The following CDH12 variants were observed in gnomAD, a reference collection of about 807,000 sequenced individuals.
CDH12 encodes the protein cadherin-12.
A neutral mutation model predicts 74.1 loss-of-function variants in CDH12; 41 were observed. That is an observed-to-expected ratio of 0.55 (90% CI 0.43 to 0.72). The LOEUF (loss-of-function observed/expected upper bound fraction) is 0.72. Among genes scored for constraint, CDH12 ranks in the 30% least tolerant of loss-of-function variants. The probability of loss-of-function intolerance (pLI) is 0.00; values close to 1 mark genes in which losing one functional copy is unlikely to be tolerated. For synonymous variants in CDH12, 399 were observed against 355.0 expected, an observed-to-expected ratio of 1.12 and a Z score of -1.39; for missense variants, 945 against 977.2, an observed-to-expected ratio of 0.97 and a Z score of 0.44.
intron 1 of CDH12, among the ~76,000 whole-genome samples, chr5:22,762,548 G>T (rs1157885767): frequency 6.6e-6 from 1 of 151,738 alleles, no homozygotes; most frequent in African/African-American, 2.4e-5. Context: ...AGCTTTTTTT[G>T]GAAGACAGTC....
In CDH12 at chr5:22,524,271, G is replaced by C. The variant is rs369615145; in HGVS notation, c.-522-18907C>G. Reference sequence around the variant, plus strand: ...CAAAGTGCTGGGATTATAGGTGTGAGACACTGCACCTGGCCTCATTTATAA... The same window carrying C: ...CAAAGTGCTGGGATTATAGGTGTGACACACTGCACCTGGCCTCATTTATAA... On this transcript the variant is annotated intron_variant, in intron 1 of 14. Coordinates refer to ENST00000382254, the MANE Select transcript of CDH12 (RefSeq NM_004061.5). Among the ~76,000 whole-genome samples, 6 of 152,254 alleles carry C rather than the reference G, an allele frequency of 3.9e-5. No homozygotes were observed. In the East Asian group the frequency reaches 5.8e-4, roughly 15 times the overall value.
Position 21,752,237 on chromosome 5 carries a change from C to G in CDH12, c.1886-1G>C, listed in dbSNP as rs556322887. ...AGTGCTACATACAGTACAACTATGG[C>G]TGGAACAAGACAAAAATTGCAATTT... On this transcript the variant is annotated splice_acceptor_variant, in intron 14 of 14. Transcript: ENST00000382254. LOFTEE classifies it high-confidence loss of function. 1.9e-6 allele frequency: 3 copies of G among 1,574,670 alleles called. No individual in the cohort carries two copies. In the African/African-American group the frequency reaches 4.1e-5, roughly 22 times the overall value.
chr5:22,444,087 TA>T (rs1160035385), intron 2 of CDH12, among the ~76,000 whole-genome samples: 1 of 152,096 alleles, frequency 6.6e-6, no homozygotes, highest in African/African-American at 2.4e-5. Context: ...ATAACATTGA[TA>T]TTTTTAATTA....
intron 1 of CDH12, among the ~76,000 whole-genome samples, chr5:22,559,108 A>G (rs1433995111): frequency 6.6e-6 from 1 of 152,024 alleles, no homozygotes; most frequent in African/African-American, 2.4e-5. Flanking sequence ...AACTAGTTGT[A>G]GATTTGTCCT....
rs575621970 is a variant in CDH12, at chr5:22,190,032, G to A, written c.-187+22466C>T. Among the ~76,000 whole-genome samples the A allele has an allele frequency of 3.0e-3, 459 of 151,944 alleles. 3 individuals carry two copies. The highest frequency in any genetic ancestry group is 0.011 in the African/African-American group (447 of 41,442). ...CACCCATCCCTAACATTAGCCTTGCGTTCTGGACTAATTGGGCCAACAGAG... is the reference window on the plus strand; with the variant it reads ...CACCCATCCCTAACATTAGCCTTGCATTCTGGACTAATTGGGCCAACAGAG... On this transcript the variant is annotated intron_variant, in intron 4 of 14. Transcript: ENST00000382254.
intron 1 of CDH12, among the ~76,000 whole-genome samples, chr5:22,835,718 A>G (rs989737037): frequency 1.3e-5 from 2 of 152,084 alleles, no homozygotes; most frequent in Admixed American, 6.6e-5. Context: ...TGTATTCTAT[A>G]TTTATTTATT....
At chr5:22,529,148 C>A (rs1214856433) in intron 1 of CDH12, among the ~76,000 whole-genome samples, 2 of 95,142 alleles carry the variant, frequency 2.1e-5, no homozygotes, top group Non-Finnish European at 4.6e-5. Context: ...TATATATACA[C>A]ATATATATAC....
At chr5:22,690,523 T>C (rs1742028784) in intron 1 of CDH12, among the ~76,000 whole-genome samples, 1 of 152,124 alleles carries the variant, frequency 6.6e-6, no homozygotes, top group African/African-American at 2.4e-5. Flanking sequence ...GAGATACAGA[T>C]AAAATTATTA....
At chr5:21,942,544 T>C (rs1755387195) in intron 6 of CDH12, among the ~76,000 whole-genome samples, 1 of 151,914 alleles carries the variant, frequency 6.6e-6, no homozygotes, top group South Asian at 2.1e-4. Context: ...TTGTTTTCCT[T>C]GTATTTTAAT....
chr5:22,470,248 T>A (rs1745900605), intron 2 of CDH12, among the ~76,000 whole-genome samples: 1 of 152,166 alleles, frequency 6.6e-6, no homozygotes, highest in South Asian at 2.1e-4. Flanking sequence ...TCTGAAGTTT[T>A]CTTATGTAGT....
At chr5:22,288,912 A>G (rs1737270035) in intron 3 of CDH12, among the ~76,000 whole-genome samples, 1 of 152,210 alleles carries the variant, frequency 6.6e-6, no homozygotes, top group Admixed American at 6.5e-5. Flanking sequence ...AAATATAAAA[A>G]TGAAAACTGT....
chr5:22,457,010 T>C (rs1042229709), intron 2 of CDH12, among the ~76,000 whole-genome samples: 23 of 152,072 alleles, frequency 1.5e-4, no homozygotes, highest in African/African-American at 4.6e-4. Context: ...CAAGGTTAAT[T>C]TATCTCCTGA....
At chr5:22,689,335 G>C (rs1167482837) in intron 1 of CDH12, among the ~76,000 whole-genome samples, 1 of 152,116 alleles carries the variant, frequency 6.6e-6, no homozygotes, top group Non-Finnish European at 1.5e-5. Context: ...GCTAACAGTA[G>C]AAACGTGTAT....
chr5:21,835,390 C>CAT (rs1173022924), intron 8 of CDH12, among the ~76,000 whole-genome samples: 2 of 151,306 alleles, frequency 1.3e-5, no homozygotes, highest in East Asian at 1.9e-4. Context: ...TATGTATACA[C>CAT]ATATATATAC....
chr5:22,203,963 A>T (rs1391897654), intron 4 of CDH12, among the ~76,000 whole-genome samples: 1 of 152,172 alleles, frequency 6.6e-6, no homozygotes, highest in Non-Finnish European at 1.5e-5. Flanking sequence ...AAAATAGATA[A>T]ATGGGATTAC....
chr5:22,457,350 CT>C (rs1561418854), intron 2 of CDH12, among the ~76,000 whole-genome samples: 1 of 151,884 alleles, frequency 6.6e-6, no homozygotes, highest in East Asian at 1.9e-4. Context: ...AGAATCCTTC[CT>C]TGCCTCTTCT....
chr5:22,770,120 C>A (rs968623257), intron 1 of CDH12, among the ~76,000 whole-genome samples: 4 of 149,228 alleles, frequency 2.7e-5, no homozygotes, highest in African/African-American at 7.4e-5. Flanking sequence ...CAGGCGTGAA[C>A]TTTTAAAGCA....
intron 6 of CDH12, among the ~76,000 whole-genome samples, chr5:21,908,548 C>A (rs1478135001): frequency 6.6e-6 from 1 of 152,108 alleles, no homozygotes; most frequent in Non-Finnish European, 1.5e-5. Flanking sequence ...AAGGCCTTTA[C>A]AGACATAAAA....
At chr5:22,072,746 G>A (rs1307149228) in intron 5 of CDH12, among the ~76,000 whole-genome samples, 1 of 151,586 alleles carries the variant, frequency 6.6e-6, no homozygotes. Context: ...AGTGTGTGAT[G>A]TTCCCCTTTC....
Sources: gnomAD v4.1 joint callset for allele counts (sites outside exome capture counted in the v4.1 genomes callset) on GRCh38, gnomAD v4.1.1 for gene constraint, MANE v1.5 for transcripts, NCBI Gene and HGNC (gene_info 2026-07-23, HGNC 2026-07-21) for gene names.